PDE11A: variants seen among roughly 807,000 people sequenced by gnomAD.
PDE11A encodes phosphodiesterase 11A, also known as dual 3',5'-cyclic-AMP and -GMP phosphodiesterase 11A.
Under a neutral mutation model 100.5 loss-of-function variants are expected in PDE11A, and 100 were observed. The ratio of observed to expected loss-of-function variants is 1.00; its 90% CI spans 0.85 to 1.18. The LOEUF (loss-of-function observed/expected upper bound fraction) is 1.18. Among genes scored for constraint, PDE11A ranks in the 50% most tolerant of loss-of-function variants. PDE11A has a pLI of 0.00. For missense variants in PDE11A, 1,141 were observed against 1,152.6 expected, an observed-to-expected ratio of 0.99 and a Z score of 0.15; for synonymous variants, 381 against 420.8, an observed-to-expected ratio of 0.91 and a Z score of 1.16.
In PDE11A at chr2:178,037,953, A is replaced by G. The variant is rs567152614; in HGVS notation, c.913-23493T>C. 8.9e-4 allele frequency among the ~76,000 whole-genome samples: 136 copies of G among 152,188 alleles called. 1 individual carries two copies. The highest frequency in any genetic ancestry group is 3.1e-3 in the African/African-American group (128 of 41,528). ...CTTAAAAGCTAGATGACGGGTTGAT[A>G]GGTGCAGCAAACCACCATGGCACAT... On this transcript the variant is annotated intron_variant, in intron 1 of 19. Transcript: ENST00000286063.
chr2:178,076,540 T>C (rs182994887), upstream of PDE11A, among the ~76,000 whole-genome samples: 11 of 152,308 alleles, frequency 7.2e-5, no homozygotes, highest in East Asian at 3.9e-4. Context: ...TCTGATCTCA[T>C]AGTTCCATCC....
At chr2:177,757,318 C>T (rs750330204) in intron 10 of PDE11A, among the ~76,000 whole-genome samples, 10 of 152,120 alleles carry the variant, frequency 6.6e-5, no homozygotes, top group Non-Finnish European at 1.0e-4. Flanking sequence ...CCAAGGTCTC[C>T]AAACTGGCAG....
intron 2 of PDE11A, chr2:177,998,023 GAGA>G (rs2086098868): frequency 8.0e-7 from 1 of 1,250,402 alleles, no homozygotes; most frequent in Non-Finnish European, 1.2e-6. Flanking sequence ...GACAGTTTTA[GAGA>G]AGAAGGGTAC....
chr2:177,815,376 C>A (rs1276494041), intron 9 of PDE11A, among the ~76,000 whole-genome samples: 2 of 152,144 alleles, frequency 1.3e-5, no homozygotes, highest in African/African-American at 2.4e-5. Context: ...TGCACACAGA[C>A]CTTAATGCTA....
chr2:177,751,434 A>C (rs1303763347), intron 10 of PDE11A, among the ~76,000 whole-genome samples: 1 of 152,206 alleles, frequency 6.6e-6, no homozygotes. Context: ...GTAGGTAAAC[A>C]TTCCAAGACT....
At position 177,938,237 on chromosome 2, in the gene PDE11A, G is replaced by T. The variant is rs547325453; in HGVS notation, c.1072-33050C>A. On this transcript the variant is annotated intron_variant, in intron 2 of 19. Coordinates refer to ENST00000286063, the MANE Select transcript of PDE11A (RefSeq NM_016953.4). ...TAGGATGCCTCCAAAAGTAGTGGCA[G>T]AAATATGAGCTTAGGGTTTCTTAAA... Among the ~76,000 whole-genome samples the T allele has an allele frequency of 4.6e-5, 7 of 152,264 alleles. No individual in the cohort carries two copies. The South Asian group carries it at 1.4e-3, about 32-fold the overall frequency.
intron 6 of PDE11A, among the ~76,000 whole-genome samples, chr2:177,826,268 A>T (rs2083224548): frequency 6.6e-6 from 1 of 152,222 alleles, no homozygotes; most frequent in Admixed American, 6.5e-5. Flanking sequence ...AGCCATCAAC[A>T]TGTACTTGTT....
chr2:177,761,409 G>A (rs1464507041), intron 10 of PDE11A, among the ~76,000 whole-genome samples: 1 of 152,144 alleles, frequency 6.6e-6, no homozygotes, highest in African/African-American at 2.4e-5. Context: ...TAAAAATGGC[G>A]AACATTTCAA....
intron 1 of PDE11A, among the ~76,000 whole-genome samples, chr2:178,059,396 CT>C (rs1488905772): frequency 2.6e-5 from 4 of 152,308 alleles, no homozygotes; most frequent in South Asian, 2.1e-4. Flanking sequence ...CTGCCCACCC[CT>C]GATCCAGGTA....
chr2:178,055,372 T>C (rs2086886895), intron 1 of PDE11A, among the ~76,000 whole-genome samples: 2 of 151,646 alleles, frequency 1.3e-5, no homozygotes, highest in African/African-American at 2.4e-5. Flanking sequence ...GGAGGAGGGA[T>C]AGCATTAGGA....
intron 2 of PDE11A, among the ~76,000 whole-genome samples, chr2:177,951,691 C>G (rs931335202): frequency 1.3e-4 from 20 of 152,038 alleles, no homozygotes; most frequent in African/African-American, 4.6e-4. Context: ...ATGCAATGGG[C>G]AGTGCTATGG....
At chr2:177,836,546 A>T (rs1341132034) in intron 6 of PDE11A, among the ~76,000 whole-genome samples, 1 of 152,198 alleles carries the variant, frequency 6.6e-6, no homozygotes, top group Non-Finnish European at 1.5e-5. Context: ...GGGGCCAGAT[A>T]AGGGAATAAA....
At chr2:177,885,946 G>T (rs2084423430) in intron 4 of PDE11A, among the ~76,000 whole-genome samples, 1 of 152,166 alleles carries the variant, frequency 6.6e-6, no homozygotes, top group South Asian at 2.1e-4. Flanking sequence ...ACTTCGTAGA[G>T]TTCTTAACAA....
rs181727092 is a variant in PDE11A, at chr2:178,024,993, A to G, written c.913-10533T>C. On this transcript the variant is annotated intron_variant, in intron 1 of 19. Transcript: ENST00000286063. Reference sequence around the variant, plus strand: ...TGGAAGACTTGAGATTACACTGCATAAAAACAAAGACACAGCATGTGGCAA... The same window carrying G: ...TGGAAGACTTGAGATTACACTGCATGAAAACAAAGACACAGCATGTGGCAA... 2.6e-4 allele frequency among the ~76,000 whole-genome samples: 39 copies of G among 152,358 alleles called. No homozygotes were observed. The South Asian group carries it at 5.6e-3, about 22-fold the overall frequency.
At chr2:178,041,245 A>AT (rs1424410830) in intron 1 of PDE11A, among the ~76,000 whole-genome samples, 2,624 of 139,100 alleles carry the variant, frequency 0.019, 41 homozygotes, top group East Asian at 0.093. Context: ...AAGCTCAGAA[A>AT]TTTTTTTTTT....
At chr2:178,029,173 T>G (rs2086514959) in intron 1 of PDE11A, among the ~76,000 whole-genome samples, 1 of 152,140 alleles carries the variant, frequency 6.6e-6, no homozygotes, top group Non-Finnish European at 1.5e-5. Context: ...CAACAAGAGA[T>G]TTCATATAAT....
intron 9 of PDE11A, 60 bp downstream of exon 9, chr2:177,816,769 T>C (rs927149233): frequency 2.1e-6 from 2 of 958,274 alleles, no homozygotes; most frequent in Non-Finnish European, 3.4e-6. Context: ...CCAGGGAAAT[T>C]TTTTCCCTCA....
intron 1 of PDE11A, among the ~76,000 whole-genome samples, chr2:178,036,942 G>A (rs550916410): frequency 2.0e-5 from 3 of 152,110 alleles, no homozygotes; most frequent in Non-Finnish European, 2.9e-5. Flanking sequence ...CAGGCAATAC[G>A]ATTCAGGACA....
At chr2:177,856,012 T>C (rs1158511884) in intron 5 of PDE11A, among the ~76,000 whole-genome samples, 1 of 151,856 alleles carries the variant, frequency 6.6e-6, no homozygotes, top group African/African-American at 2.4e-5. Flanking sequence ...ATTTTGAAGC[T>C]CTGTGTTAAG....
Sources: allele counts gnomAD v4.1 joint callset (sites outside exome capture counted in the v4.1 genomes callset), GRCh38; gene constraint gnomAD v4.1.1; transcripts MANE v1.5; gene names NCBI Gene and HGNC (gene_info 2026-07-23, HGNC 2026-07-21).